Variants in POTEI observed in about 807,000 individuals in gnomAD.
POTEI encodes POTE ankyrin domain family member I, also known as POTE ankyrin domain family, member I.
POTEI carries 14 observed loss-of-function variants against 43.4 expected under a neutral mutation model. The ratio of observed to expected loss-of-function variants is 0.32; its 90% confidence interval spans 0.21 to 0.50. The LOEUF is 0.50. Among genes scored for constraint, POTEI ranks in the 20% least tolerant of loss-of-function variants. The probability of loss-of-function intolerance (pLI) is 0.98; values close to 1 mark genes in which losing one functional copy is unlikely to be tolerated. For missense variants in POTEI, 235 were observed against 795.4 expected (o/e 0.30, Z 8.47); for synonymous variants, 95 against 297.9 (o/e 0.32, Z 7.01).
intron 9 of POTEI, among the ~76,000 whole-genome samples, chr2:130,483,853 T>C (rs2105089092): frequency 6.6e-6 from 1 of 150,850 alleles, no homozygotes; most frequent in East Asian, 2.0e-4. Context: ...AGTGCTGTGA[T>C]TACAGGTGTG....
chr2:130,483,427 T>G (rs879079412), intron 9 of POTEI, among the ~76,000 whole-genome samples: 20 of 139,064 alleles, frequency 1.4e-4, no homozygotes, highest in Non-Finnish European at 2.4e-4. Context: ...TTACCATAAT[T>G]ACAATTATGA....
intron 10 of POTEI, among the ~76,000 whole-genome samples, chr2:130,477,898 A>G (rs1382519822): frequency 2.2e-5 from 3 of 134,890 alleles, no homozygotes; most frequent in South Asian, 2.4e-4. Flanking sequence ...GTATTTGCCT[A>G]CAATAGAAGG....
intron 5 of POTEI, chr2:130,497,624 GAC>G (rs1386411756): frequency 4.5e-5 from 2 of 44,182 alleles, no homozygotes; most frequent in African/African-American, 1.0e-4. Flanking sequence ...CATCTTACAT[GAC>G]TATTTTTGCA....
chr2:130,468,837 A>C (rs1219240695), intron 13 of POTEI, among the ~76,000 whole-genome samples: 2 of 152,244 alleles, frequency 1.3e-5, no homozygotes, highest in Non-Finnish European at 2.9e-5. Context: ...TAACCTATTC[A>C]GTCAAAATAT....
intron 9 of POTEI, among the ~76,000 whole-genome samples, chr2:130,483,524 T>G (rs1392973007): frequency 7.3e-6 from 1 of 137,078 alleles, no homozygotes; most frequent in Non-Finnish European, 1.5e-5. Flanking sequence ...TGTAGCTTAT[T>G]ATAAAGAGCC....
At chr2:130,507,305 TATATATATATATACACACAC>T (rs1184370630) in intron 1 of POTEI, among the ~76,000 whole-genome samples, 4,216 of 16,238 alleles carry the variant, frequency 0.26, 1,395 homozygotes, top group Non-Finnish European at 0.65. Context: ...TATATATATA[TATATATATATATACACACAC>T]ACACACACAC....
At chr2:130,479,272 GAAAA>G (rs532562563) in intron 10 of POTEI, among the ~76,000 whole-genome samples, 1 of 149,008 alleles carries the variant, frequency 6.7e-6, no homozygotes, top group Non-Finnish European at 1.5e-5. Context: ...TTTCTTACAG[GAAAA>G]AAAAATTAAG....
rs770401364 is a variant in POTEI, at chr2:130,463,638, G to T, written c.2406C>A (p.Pro802=). ...TCAGGGGGGCCTCGGTCAGCAGGAT[G>T]GGGTGCTCCTCAGGGGCCACACGCA... ...NELRVAPEEH[P]ILLTEAPLNP... Residue 802 remains proline (P), a synonymous_variant, in exon 15 of 15, where the codon CCC becomes CCA. Coordinates refer to ENST00000451531, the MANE Select transcript of POTEI (RefSeq NM_001277406.2). 2 of 1,607,470 alleles carry T rather than the reference G, an allele frequency of 1.2e-6. No individual in the cohort carries two copies. The highest frequency in any genetic ancestry group is 1.7e-6 in the Non-Finnish European group (2 of 1,179,474).
At chr2:130,483,596 C>CTTTT (rs1558886971) in intron 9 of POTEI, among the ~76,000 whole-genome samples, 1 of 16,576 alleles carries the variant, frequency 6.0e-5, no homozygotes, top group Non-Finnish European at 1.6e-4. Context: ...CCATGTCAAA[C>CTTTT]TTGTTTTTTT....
At chr2:130,469,346 GT>G (rs1272603072) in intron 13 of POTEI, among the ~76,000 whole-genome samples, 2 of 141,984 alleles carry the variant, frequency 1.4e-5, no homozygotes, top group Non-Finnish European at 3.0e-5. Flanking sequence ...GCCAGAGCCA[GT>G]TCAAAATCTA....
At chr2:130,477,075 C>G (rs1204149377) in intron 10 of POTEI, among the ~76,000 whole-genome samples, 5 of 150,514 alleles carry the variant, frequency 3.3e-5, no homozygotes, top group Non-Finnish European at 7.4e-5. Flanking sequence ...CTGCTGACAC[C>G]TTTATTAGTG....
rs144744161 is a variant in POTEI at position 130,474,117 on chromosome 2, G to A, written c.1778+261C>T. On this transcript the variant is annotated intron_variant, in intron 13 of 14. Transcript: ENST00000451531. ...ATATAATAAACCTGCACACGTACCC[G>A]AAGCTAAAATAAAAGTTCACTGAAA... Among the ~76,000 whole-genome samples, 715 of 147,868 alleles carry A rather than the reference G, an allele frequency of 4.8e-3. 6 individuals carry two copies. Among genetic ancestry groups the A allele is most frequent in the African/African-American group, 0.018 (674 of 37,908 alleles).
chr2:130,487,118 A>T lies in POTEI; in HGVS notation c.1409+914T>A, dbSNP rs1211663231. Among the ~76,000 whole-genome samples the T allele has an allele frequency of 5.5e-5, 2 of 36,210 alleles. 1 individual carries two copies. Among genetic ancestry groups the T allele is most frequent in the African/African-American group, 1.3e-4 (2 of 15,458 alleles). 23.8% of individuals were successfully genotyped at this position (36,210 alleles called of 152,430 possible). A position where few individuals can be genotyped will look rare whatever the true frequency, so the allele number is the denominator to read the frequency against. ...AAGAACTCTTAAGATGTCATCACTG[A>T]TGCTTTAAATACACTTTAATTGTGA... On this transcript the variant is annotated intron_variant, in intron 9 of 14. Transcript: ENST00000451531.
intron 6 of POTEI, 145 bp downstream of exon 6, chr2:130,496,407 C>T (rs1683905187): frequency 2.1e-6 from 1 of 481,808 alleles, no homozygotes; most frequent in East Asian, 3.6e-5. Context: ...TAAAGTAGCA[C>T]AATAAATGTA....
chr2:130,498,136 G>A (rs1198698084), intron 5 of POTEI, among the ~76,000 whole-genome samples: 1 of 65,290 alleles, frequency 1.5e-5, no homozygotes, highest in African/African-American at 4.7e-5. Flanking sequence ...GGATATAAAG[G>A]TGCCTCACAG....
chr2:130,477,110 A>G (rs1449297690), intron 10 of POTEI, among the ~76,000 whole-genome samples: 1 of 150,518 alleles, frequency 6.6e-6, no homozygotes, highest in Non-Finnish European at 1.5e-5. Context: ...AATATCTAAA[A>G]TGTTTCCCTC....
intron 13 of POTEI, among the ~76,000 whole-genome samples, chr2:130,468,291 A>ATAT (rs1481556299): frequency 6.7e-6 from 1 of 148,650 alleles, no homozygotes; most frequent in African/African-American, 2.5e-5. Context: ...TATATGTATC[A>ATAT]TATATATGTA....
In POTEI at chr2:130,508,897, G is replaced by A. The variant is rs1349871081; in HGVS notation, c.339C>T (p.Gly113=). Residue 113 remains glycine (G), a synonymous_variant, in exon 1 of 15, where the codon GGC becomes GGT. Coordinates refer to ENST00000451531, the MANE Select transcript of POTEI (RefSeq NM_001277406.2). ...CTCCCCAAGCACCCACGTTGCTCTT[G>A]CCGCTCCCCCTGCAGCAGGGGAAGC... is the stretch of plus-strand genomic sequence containing the variant. ...CHCFPCCRGS[G]KSNVGAWGDY... 1.9e-6 allele frequency: 3 copies of A among 1,591,688 alleles called. No homozygotes were observed. Among genetic ancestry groups the A allele is most frequent in the Admixed American group, 1.7e-5 (1 of 58,022 alleles).
chr2:130,507,329 CACACACACAT>C (rs755465785), intron 1 of POTEI, among the ~76,000 whole-genome samples: 4,133 of 89,928 alleles, frequency 0.046, 308 homozygotes, highest in Non-Finnish European at 0.068. Flanking sequence ...CACACACACA[CACACACACAT>C]ATATATGTAT....
Sources: allele counts gnomAD v4.1 joint callset (sites outside exome capture counted in the v4.1 genomes callset), GRCh38; gene constraint gnomAD v4.1.1; transcripts MANE v1.5; gene names NCBI Gene and HGNC (gene_info 2026-07-23, HGNC 2026-07-21).